TYMP: variants seen among roughly 807,000 people sequenced by gnomAD.
TYMP encodes thymidine phosphorylase.
Under a neutral mutation model 42.3 loss-of-function variants are expected in TYMP, and 46 were observed. That is an observed-to-expected ratio of 1.09 (90% confidence interval 0.86 to 1.39). The LOEUF is 1.39. TYMP is among the 40% of genes most tolerant of loss of function. TYMP has a pLI of 0.00. For missense variants in TYMP, 837 were observed against 677.6 expected (o/e 1.24, Z -2.61); for synonymous variants, 363 against 308.0 (o/e 1.18, Z -1.87).
Position 50,526,064 on chromosome 22 carries a change from C to G in TYMP, c.1237G>C (p.Glu413Gln), listed in dbSNP as rs1037027865. The change falls in exon 9 of 10, where the codon GAG becomes CAG. Residue 413 changes from glutamate (E) to glutamine (Q), a missense_variant. Physicochemically the swap from Glu to Gln is conservative, Grantham distance 29. Coordinates refer to ENST00000252029, the MANE Select transcript of TYMP (RefSeq NM_001953.5). ...ELGAGRSRAG[E>Q]PLRLGVGAEL... ...GCGCCCACCCCCAGGCGGAGCGGCT[C>G]CCCAGCGCGGCTGCGCCCGGCCCCG... is the stretch of plus-strand genomic sequence containing the variant. The G allele has an allele frequency of 4.0e-6, 6 of 1,484,038 alleles. No homozygotes were observed. The African/African-American group carries it at 8.8e-5, about 22-fold the overall frequency. 91.9% of individuals were successfully genotyped at this position (1,484,038 alleles called of 1,614,324 possible). A position where few individuals can be genotyped will look rare whatever the true frequency, so the allele number is the denominator to read the frequency against.
At chr22:50,528,463 G>A (rs1369648514) in intron 4 of TYMP, 49 bp downstream of exon 4, 1 of 1,486,110 alleles carries the variant, frequency 6.7e-7, no homozygotes, top group South Asian at 1.2e-5. Context: ...TTCTGGCCAG[G>A]GTCTCCATCA....
intron 4 of TYMP, chr22:50,528,002 A>C (rs184299570): frequency 1.2e-5 from 5 of 432,560 alleles, no homozygotes; most frequent in African/African-American, 2.1e-5. Flanking sequence ...CTGATCTCCA[A>C]CTGGGCTCCT....
At position 50,526,272 on chromosome 22, in the gene TYMP, T is replaced by TGCTCCCGGGCGCGAGGCAGCA; in HGVS notation, c.1112_1132dup (p.Leu371_Glu377dup). The TGCTCCCGGGCGCGAGGCAGCA allele has an allele frequency of 6.5e-7, 1 of 1,542,272 alleles. No individual in the cohort carries two copies. Among genetic ancestry groups the TGCTCCCGGGCGCGAGGCAGCA allele is most frequent in the Non-Finnish European group, 8.7e-7 (1 of 1,154,790 alleles). ...ATCTGCGGGCGCCAGCAGCTCCTCC[T>TGCTCCCGGGCGCGAGGCAGCA]GCTCCCGGGCGCGAGGCAGCAGCTG... On this transcript the variant is annotated inframe_insertion, in exon 8 of 10. Transcript: ENST00000252029.
chr22:50,528,902 T>G (rs2069487818), intron 3 of TYMP: 1 of 621,996 alleles, frequency 1.6e-6, no homozygotes, highest in Non-Finnish European at 2.9e-6. Context: ...GGGTCTGAAT[T>G]CCATCAGTGG....
chr22:50,526,206 A>T, intron 8 of TYMP, 40 bp downstream of exon 8: 3 of 1,490,302 alleles, frequency 2.0e-6, no homozygotes, highest in Non-Finnish European at 2.7e-6. Flanking sequence ...AGGGAAGGGG[A>T]TGGCGGAGGC....
chr22:50,526,080 C>G lies in TYMP; in HGVS notation c.1221G>C (p.Gly407=). ...GGAGCGGCTCCCCAGCGCGGCTGCG[C>G]CCGGCCCCGAGCTCGTGCAGCACCA... is the stretch of plus-strand genomic sequence containing the variant. The part of the protein sequence containing the change: ...LALVLHELGA[G]RSRAGEPLRL... Residue 407 remains glycine (G), a synonymous_variant, in exon 9 of 10, where the codon GGG becomes GGC. Transcript: ENST00000252029. 6.7e-7 allele frequency: 1 copy of G among 1,485,076 alleles called. No homozygotes were observed. Among genetic ancestry groups the G allele is most frequent in the Non-Finnish European group, 8.9e-7 (1 of 1,125,690 alleles). The allele number at this position is 1,485,076 out of a possible 1,614,324, so 92.0% of individuals were successfully genotyped here.
chr22:50,526,939 A>G (rs1317226550), intron 6 of TYMP, among the ~76,000 whole-genome samples: 1 of 152,256 alleles, frequency 6.6e-6, no homozygotes, highest in Non-Finnish European at 1.5e-5. Flanking sequence ...GGTCTGGGGC[A>G]GGAACGCCAC....
Position 50,526,584 on chromosome 22 carries a change from G to A in TYMP, c.920C>T (p.Thr307Ile). 1 of 1,576,834 alleles carries A rather than the reference G, an allele frequency of 6.3e-7. No individual in the cohort carries two copies. The highest frequency in any genetic ancestry group is 8.6e-7 in the Non-Finnish European group (1 of 1,162,454). ...CACCCCGTCCCCCTCACCGAGCGTGGTGACCAGGTCCCTTAAGTCTGGCGG... is the reference window on the plus strand; with the variant it reads ...CACCCCGTCCCCCTCACCGAGCGTGATGACCAGGTCCCTTAAGTCTGGCGG... Reference protein sequence around the residue: ...AGPPDLRDLVTTLGGALLWLS... With the variant: ...AGPPDLRDLVITLGGALLWLS... The change falls in exon 7 of 10, where the codon ACC (threonine) becomes ATC (isoleucine). Residue 307 changes from threonine (T) to isoleucine (I), a missense_variant. Transcript: ENST00000252029.
Position 50,526,708 on chromosome 22 carries a change from C to T in TYMP, c.796G>A (p.Val266Ile), listed in dbSNP as rs1387963646. The T allele has an allele frequency of 6.5e-7, 1 of 1,540,190 alleles. No individual in the cohort carries two copies. Among genetic ancestry groups the T allele is most frequent in the East Asian group, 2.4e-5 (1 of 41,050 alleles). ...VGVGASLGLR[V>I]AAALTAMDKP... ...TCCATGGCGGTCAGCGCTGCCGCGA[C>T]CCGAAGCCCTAGGCTGGCTCCCACG... is the stretch of plus-strand genomic sequence containing the variant. Residue 266 changes from valine to isoleucine, a missense_variant, in exon 7 of 10, where the codon GTC becomes ATC. Val to Ile is a conservative substitution (Grantham distance 29, BLOSUM62 3). Coordinates refer to ENST00000252029, the MANE Select transcript of TYMP (RefSeq NM_001953.5).
In TYMP at chr22:50,525,818, G is replaced by C; in HGVS notation, c.1401C>G (p.Phe467Leu). 1 of 1,610,338 alleles carries C rather than the reference G, an allele frequency of 6.2e-7. No homozygotes were observed. The highest frequency in any genetic ancestry group is 1.1e-5 in the South Asian group (1 of 90,986). Reference protein sequence around the residue: ...EALVLSDRAPFAAPSPFAELV... With the variant: ...EALVLSDRAPLAAPSPFAELV... ...GCTCTGCGAAGGGCGAGGGGGCGGCGAATGGCGCGCGGTCGGAGAGTACGA... is the reference window on the plus strand; with the variant it reads ...GCTCTGCGAAGGGCGAGGGGGCGGCCAATGGCGCGCGGTCGGAGAGTACGA... Residue 467 changes from phenylalanine to leucine, a missense_variant, in exon 10 of 10, where the codon TTC becomes TTG. Coordinates refer to ENST00000252029, the MANE Select transcript of TYMP (RefSeq NM_001953.5).
rs770277446 is a variant in TYMP at position 50,526,244 on chromosome 22, A to T, written c.1159+2T>A. 6.5e-7 allele frequency: 1 copy of T among 1,540,414 alleles called. No homozygotes were observed. Among genetic ancestry groups the T allele is most frequent in the Non-Finnish European group, 8.7e-7 (1 of 1,152,700 alleles). ...AAGGACGGGGACTCCCCCGACGCTC[A>T]CCATCTGCGGGCGCCAGCAGCTCCT... On this transcript the variant is annotated splice_donor_variant, in intron 8 of 9. Coordinates refer to ENST00000252029, the MANE Select transcript of TYMP (RefSeq NM_001953.5). LOFTEE classifies it high-confidence loss of function.
Position 50,529,659 on chromosome 22 carries a change from G to A in TYMP, c.51C>T (p.Asp17=). 1 of 1,612,430 alleles carries A rather than the reference G, an allele frequency of 6.2e-7. No individual in the cohort carries two copies. The highest frequency in any genetic ancestry group is 8.5e-7 in the Non-Finnish European group (1 of 1,179,742). The change falls in exon 2 of 10, where the codon GAC becomes GAT. Residue 17 remains aspartate, a synonymous_variant. Transcript: ENST00000252029. The stretch of plus-strand genomic sequence containing the variant: ...GTCCCTGGCTCCCTTCCCCGGAGAA[G>A]TCACCAGGCGCGGGTGGGGCCCCGG... ...PGTGAPPAPG[D]FSGEGSQGLP...
rs1345777965 is a variant in TYMP at position 50,526,615 on chromosome 22, C to A, written c.889G>T (p.Ala297Ser). The change falls in exon 7 of 10, where the codon GCA becomes TCA. Residue 297 changes from alanine to serine, a missense_variant. Ala to Ser is a moderately conservative substitution (Grantham distance 99). Coordinates refer to ENST00000252029, the MANE Select transcript of TYMP (RefSeq NM_001953.5). The stretch of plus-strand genomic sequence containing the variant: ...AGGTCCCTTAAGTCTGGCGGGCCTG[C>A]GCCGTCCATGCAGAGCAGCGCCTCC... ...VEEALLCMDG[A>S]GPPDLRDLVT... 2.5e-6 allele frequency: 4 copies of A among 1,578,774 alleles called. No homozygotes were observed. The highest frequency in any genetic ancestry group is 2.3e-5 in the East Asian group (1 of 42,904).
At chr22:50,528,381 A>G in intron 4 of TYMP, 131 bp downstream of exon 4, 1 of 821,866 alleles carries the variant, frequency 1.2e-6, no homozygotes, top group Non-Finnish European at 2.0e-6. Context: ...GCCCAGGCCC[A>G]GTGACTCATG....
chr22:50,526,234 C>T lies in TYMP; in HGVS notation c.1159+12G>A, dbSNP rs202177002. 6.9e-4 allele frequency: 1,050 copies of T among 1,529,992 alleles called. 7 individuals carry two copies. The African/African-American group carries it at 0.013, about 19-fold the overall frequency. 94.8% of individuals were successfully genotyped at this position (1,529,992 alleles called of 1,614,324 possible). ...GCGGAGGCGGAAGGACGGGGACTCC[C>T]CCGACGCTCACCATCTGCGGGCGCC... On this transcript the variant is annotated intron_variant, in intron 8 of 9. Transcript: ENST00000252029.
intron 3 of TYMP, 65 bp from the exon 4 acceptor site, chr22:50,528,675 C>G (rs2069482445): frequency 2.3e-6 from 3 of 1,287,702 alleles, no homozygotes; most frequent in Non-Finnish European, 3.4e-6. Flanking sequence ...CATCCCTTCA[C>G]CTTCCCTGGC....
In TYMP at chr22:50,527,684, T is replaced by C. The variant is rs1487808552; in HGVS notation, c.550A>G (p.Ile184Val). The C allele has an allele frequency of 4.3e-6, 7 of 1,613,360 alleles. No individual in the cohort carries two copies. The highest frequency in any genetic ancestry group is 5.9e-6 in the Non-Finnish European group (7 of 1,179,958). ...ACCAGCTGCTCACTCTGACCCACGATACAGCAGCCCGCCTGGTCCAGCAGC... is the reference window on the plus strand; with the variant it reads ...ACCAGCTGCTCACTCTGACCCACGACACAGCAGCCCGCCTGGTCCAGCAGC... The part of the protein sequence containing the change: ...QVLLDQAGCC[I>V]VGQSEQLVPA... The change falls in exon 5 of 10, where the codon ATC (isoleucine) becomes GTC (valine). Residue 184 changes from isoleucine to valine, a missense_variant. Coordinates refer to ENST00000252029, the MANE Select transcript of TYMP (RefSeq NM_001953.5).
intron 1 of TYMP, 90 bp downstream of exon 1, chr22:50,529,814 C>A: frequency 9.5e-7 from 1 of 1,057,004 alleles, no homozygotes; most frequent in Non-Finnish European, 1.4e-6. Context: ...CGTGTCTCTC[C>A]GGTGTCCGCC....
In TYMP at chr22:50,526,061, G is replaced by A; in HGVS notation, c.1240C>T (p.Pro414Ser). ...LGAGRSRAGE[P>S]LRLGVGAELL... ...TCTGCGCCCACCCCCAGGCGGAGCG[G>A]CTCCCCAGCGCGGCTGCGCCCGGCC... is the stretch of plus-strand genomic sequence containing the variant. The change falls in exon 9 of 10, where the codon CCG (proline) becomes TCG (serine). Residue 414 changes from proline (P) to serine (S), a missense_variant. Pro to Ser is a moderately conservative substitution (Grantham distance 74, BLOSUM62 -1). Coordinates refer to ENST00000252029, the MANE Select transcript of TYMP (RefSeq NM_001953.5). The A allele has an allele frequency of 6.7e-7, 1 of 1,482,460 alleles. No homozygotes were observed. Among genetic ancestry groups the A allele is most frequent in the South Asian group, 1.3e-5 (1 of 78,604 alleles). The allele number at this position is 1,482,460 out of a possible 1,614,324, so 91.8% of individuals were successfully genotyped here.
Sources: allele counts gnomAD v4.1 joint callset (sites outside exome capture counted in the v4.1 genomes callset), GRCh38; gene constraint gnomAD v4.1.1; transcripts MANE v1.5; gene names NCBI Gene and HGNC (gene_info 2026-07-23, HGNC 2026-07-21).